Variants in SPATA9 observed in about 807,000 individuals in gnomAD.
SPATA9 encodes the protein spermatogenesis-associated protein 9.
SPATA9 carries 27 observed loss-of-function variants against 25.5 expected under a neutral mutation model. The observed-to-expected ratio is 1.06, with a 90% CI of 0.78 to 1.46. SPATA9 has a LOEUF of 1.46. Ranked by LOEUF, SPATA9 falls within the 40% of genes most tolerant of loss-of-function variation. The pLI is 0.00. For synonymous variants in SPATA9, 102 were observed against 105.7 expected (o/e 0.97, Z 0.21); for missense variants, 282 against 297.5 (o/e 0.95, Z 0.38).
At chr5:95,695,765 T>C (rs1361454635) in intron 1 of SPATA9, among the ~76,000 whole-genome samples, 1 of 152,224 alleles carries the variant, frequency 6.6e-6, no homozygotes, top group East Asian at 1.9e-4. Context: ...GCTTCTTAGA[T>C]AGCCCAGTGA....
At chr5:95,652,857 T>A, downstream of SPATA9, 1 of 427,130 alleles carries the variant, frequency 2.3e-6, no homozygotes, top group Non-Finnish European at 4.0e-6. Context: ...GCTTTCTGAT[T>A]TCTGGGCATC....
the SPATA9 span, among the ~76,000 whole-genome samples, chr5:95,717,990 G>A: frequency 6.6e-6 from 1 of 152,280 alleles, no homozygotes; most frequent in African/African-American, 2.4e-5. Flanking sequence ...GAGCAACTAA[G>A]AACTTATAAA....
At chr5:95,683,259 T>C (rs1753606780), upstream of SPATA9, among the ~76,000 whole-genome samples, 1 of 152,218 alleles carries the variant, frequency 6.6e-6, no homozygotes, top group Non-Finnish European at 1.5e-5. Context: ...AAATGCTTTA[T>C]ATATGATGCC....
At chr5:95,694,656 A>G (rs153909) in intron 1 of SPATA9, among the ~76,000 whole-genome samples, 86,415 of 152,066 alleles carry the variant, frequency 0.57, 24,733 homozygotes, top group East Asian at 0.8. Flanking sequence ...TTTTCAGCCA[A>G]TATGAACCAA....
chr5:95,666,953 T>C (rs1324861300), intron 3 of SPATA9, among the ~76,000 whole-genome samples: 1 of 152,222 alleles, frequency 6.6e-6, no homozygotes, highest in African/African-American at 2.4e-5. Context: ...GATTTAGTTA[T>C]GTGGCTTTGT....
the SPATA9 span, among the ~76,000 whole-genome samples, chr5:95,705,205 G>T: frequency 2.0e-5 from 3 of 151,998 alleles, no homozygotes; most frequent in Non-Finnish European, 4.4e-5. Flanking sequence ...TAGGCTCAAT[G>T]ATTTGCCCAC....
chr5:95,717,143 T>G, the SPATA9 span: 6 of 152,316 alleles, frequency 3.9e-5, no homozygotes, highest in Admixed American at 2.0e-4. Flanking sequence ...ATAAAGCAGA[T>G]TACCCTCCGT....
At chr5:95,716,647 A>G in the SPATA9 span, among the ~76,000 whole-genome samples, 1 of 152,166 alleles carries the variant, frequency 6.6e-6, no homozygotes, top group Non-Finnish European at 1.5e-5. Flanking sequence ...GCTTTGGGGA[A>G]CTGTTGGGAA....
chr5:95,700,545 G>T (rs13153620), upstream of SPATA9, among the ~76,000 whole-genome samples: 3 of 152,018 alleles, frequency 2.0e-5, no homozygotes, highest in Non-Finnish European at 2.9e-5. Flanking sequence ...TGATATGCCC[G>T]CCTCAGCCTC....
chr5:95,689,253 C>G (rs1383506872), intron 1 of SPATA9, among the ~76,000 whole-genome samples: 1 of 152,056 alleles, frequency 6.6e-6, no homozygotes, highest in Non-Finnish European at 1.5e-5. Context: ...TGGAAACAGT[C>G]CATTATTGTA....
At chr5:95,680,923 C>G (rs1208404174) in intron 2 of SPATA9, among the ~76,000 whole-genome samples, 1 of 152,160 alleles carries the variant, frequency 6.6e-6, no homozygotes, top group Non-Finnish European at 1.5e-5. Context: ...TAGCCACCCA[C>G]GAAATCCAGA....
At chr5:95,729,962 G>A in the SPATA9 span, among the ~76,000 whole-genome samples, 1 of 152,004 alleles carries the variant, frequency 6.6e-6, no homozygotes, top group African/African-American at 2.4e-5. Flanking sequence ...AAAGACTGAT[G>A]AGAAAATATA....
At chr5:95,730,924 G>C in the SPATA9 span, 38 of 456,748 alleles carry the variant, frequency 8.3e-5, no homozygotes, top group African/African-American at 5.6e-4. Context: ...AAGGCCAAGA[G>C]GGGGGGAAAT....
chr5:95,690,977 A>G (rs988316146), intron 1 of SPATA9, among the ~76,000 whole-genome samples: 9 of 152,018 alleles, frequency 5.9e-5, no homozygotes, highest in Admixed American at 2.0e-4. Context: ...GCCCTCAGTT[A>G]TACATGTAGT....
intron 2 of SPATA9, among the ~76,000 whole-genome samples, chr5:95,680,042 C>T (rs1294545483): frequency 5.3e-5 from 8 of 152,300 alleles, no homozygotes; most frequent in Middle Eastern, 3.4e-3. Flanking sequence ...GGACTACAGG[C>T]GCCCGCCACA....
Position 95,682,631 on chromosome 5 carries a change from G to T in SPATA9, c.62-15C>A, listed in dbSNP as rs778481227. 6.3e-7 allele frequency: 1 copy of T among 1,597,920 alleles called. No individual in the cohort carries two copies. Among genetic ancestry groups the T allele is most frequent in the Admixed American group, 1.8e-5 (1 of 56,630 alleles). ...GATCCCCTCGACTAAGACAAAAAGA[G>T]GTTAGGAAAAAGAAAACTTTGAAAA... is the stretch of plus-strand genomic sequence containing the variant. On this transcript the variant is annotated splice_polypyrimidine_tract_variant and intron_variant, in intron 1 of 4. Coordinates refer to ENST00000274432, the MANE Select transcript of SPATA9 (RefSeq NM_031952.4).
At chr5:95,659,043 C>T in intron 4 of SPATA9, 130 bp from the exon 5 acceptor site, 1 of 1,089,288 alleles carries the variant, frequency 9.2e-7, no homozygotes, top group African/African-American at 1.6e-5. Flanking sequence ...CACTTCTTTT[C>T]AGGACCTTCA....
intron 1 of SPATA9, among the ~76,000 whole-genome samples, chr5:95,689,263 A>G (rs1374663891): frequency 6.6e-6 from 1 of 152,202 alleles, no homozygotes; most frequent in East Asian, 1.9e-4. Flanking sequence ...CCATTATTGT[A>G]TATAATTAAT....
At chr5:95,703,460 C>T (rs529015231), upstream of SPATA9, among the ~76,000 whole-genome samples, 255 of 152,124 alleles carry the variant, frequency 1.7e-3, 1 homozygote, top group African/African-American at 5.9e-3. Flanking sequence ...ATGGTGAAAC[C>T]TTGTCTACAC....
Sources: gnomAD v4.1 joint callset for allele counts (sites outside exome capture counted in the v4.1 genomes callset) on GRCh38, gnomAD v4.1.1 for gene constraint, MANE v1.5 for transcripts, NCBI Gene and HGNC (gene_info 2026-07-23, HGNC 2026-07-21) for gene names.